The following PTPRJ variants were observed in gnomAD, a reference collection of about 807,000 sequenced individuals.
PTPRJ encodes the protein receptor-type tyrosine-protein phosphatase eta.
In PTPRJ, 129 loss-of-function variants were observed where a neutral mutation model predicts 141.3. The ratio of observed to expected loss-of-function variants is 0.91; its 90% confidence interval spans 0.79 to 1.06. The LOEUF (loss-of-function observed/expected upper bound fraction) is 1.06, where lower values mean the gene tolerates loss of function less well. PTPRJ is among the 50% of genes least tolerant of loss of function. The pLI is 0.00. For synonymous variants in PTPRJ, 610 were observed against 640.5 expected, an observed-to-expected ratio of 0.95 and a Z score of 0.72; for missense variants, 1,601 against 1,679.7, an observed-to-expected ratio of 0.95 and a Z score of 0.82.
intron 1 of PTPRJ, among the ~76,000 whole-genome samples, chr11:48,021,944 A>G (rs1355155677): frequency 1.3e-5 from 2 of 152,162 alleles, no homozygotes; most frequent in Non-Finnish European, 2.9e-5. Flanking sequence ...TTTAAGAAAC[A>G]TGGGCATGGA....
At chr11:48,046,912 A>ATTTTTTTTT (rs1217187387) in intron 1 of PTPRJ, among the ~76,000 whole-genome samples, 1 of 74,172 alleles carries the variant, frequency 1.3e-5, no homozygotes, top group African/African-American at 7.3e-5. Context: ...ATATATATAT[A>ATTTTTTTTT]TTTTTTTTTT....
intron 4 of PTPRJ, among the ~76,000 whole-genome samples, chr11:48,122,591 G>A (rs1856731716): frequency 6.6e-6 from 1 of 152,218 alleles, no homozygotes; most frequent in East Asian, 1.9e-4. Flanking sequence ...AGTATCAAGT[G>A]GTGGGGCTGG....
At chr11:48,144,294 T>C (rs1162713691) in intron 12 of PTPRJ, among the ~76,000 whole-genome samples, 1 of 152,230 alleles carries the variant, frequency 6.6e-6, no homozygotes, top group Non-Finnish European at 1.5e-5. Flanking sequence ...GAAGGCCATG[T>C]TGCATAGCAG....
chr11:48,140,540 A>T (rs1857207484), intron 11 of PTPRJ, among the ~76,000 whole-genome samples: 1 of 152,188 alleles, frequency 6.6e-6, no homozygotes. Flanking sequence ...GCTACAGGGT[A>T]TAGAGCTGGT....
rs1396277054 is a variant in PTPRJ, at chr11:48,130,566, G to A, written c.1465G>A (p.Glu489Lys). 6.2e-7 allele frequency: 1 copy of A among 1,614,136 alleles called. No homozygotes were observed. The highest frequency in any genetic ancestry group is 8.5e-7 in the Non-Finnish European group (1 of 1,180,026). ...AESFQMHITQ[E>K]GAGNSRVEIT... ...ATCATTTCAGATGCATATCACACAG[G>A]AGGGAGCTGGCAATTCTCGGGTAGA... The change falls in exon 8 of 25, where the codon GAG becomes AAG. Residue 489 changes from glutamate to lysine, a missense_variant. Transcript: ENST00000418331.
chr11:48,052,553 T>C (rs1347132198), intron 1 of PTPRJ, among the ~76,000 whole-genome samples: 2 of 152,148 alleles, frequency 1.3e-5, no homozygotes, highest in African/African-American at 4.8e-5. Flanking sequence ...TCTGGGTGGT[T>C]GGGGGTGCCT....
At chr11:47,981,135 C>T (rs1426916932) in intron 1 of PTPRJ, 127 bp downstream of exon 1, 5 of 1,004,968 alleles carry the variant, frequency 5.0e-6, no homozygotes, top group African/African-American at 3.4e-5. Flanking sequence ...TCCCCGGATC[C>T]CCGGAAGGCG....
At chr11:48,070,863 A>C (rs1381701217) in intron 1 of PTPRJ, among the ~76,000 whole-genome samples, 1 of 152,238 alleles carries the variant, frequency 6.6e-6, no homozygotes, top group Admixed American at 6.5e-5. Flanking sequence ...CAATTTATCA[A>C]CAACAGCAAA....
chr11:48,019,056 T>C (rs1855031766), intron 1 of PTPRJ, among the ~76,000 whole-genome samples: 1 of 152,006 alleles, frequency 6.6e-6, no homozygotes, highest in Admixed American at 6.5e-5. Flanking sequence ...AGAACCCCTC[T>C]CAGGAGGGCC....
chr11:48,102,487 C>T (rs1418858047), intron 1 of PTPRJ, among the ~76,000 whole-genome samples: 1 of 152,088 alleles, frequency 6.6e-6, no homozygotes, highest in Non-Finnish European at 1.5e-5. Context: ...TGGCTCACTG[C>T]AACCTCTGCC....
At chr11:47,993,831 ATTT>A (rs1001975747) in intron 1 of PTPRJ, among the ~76,000 whole-genome samples, 2 of 139,448 alleles carry the variant, frequency 1.4e-5, no homozygotes, top group Admixed American at 7.2e-5. Context: ...CAAACAGTTC[ATTT>A]TTTTTTTTTT....
At chr11:48,020,647 C>G (rs1855090862) in intron 1 of PTPRJ, among the ~76,000 whole-genome samples, 1 of 152,186 alleles carries the variant, frequency 6.6e-6, no homozygotes, top group Non-Finnish European at 1.5e-5. Flanking sequence ...TGAGCAGGTA[C>G]TGGTCTCAAA....
chr11:48,004,697 T>C (rs1431684694), intron 1 of PTPRJ, among the ~76,000 whole-genome samples: 3 of 152,074 alleles, frequency 2.0e-5, no homozygotes, highest in African/African-American at 7.2e-5. Flanking sequence ...CAGTGAGAGG[T>C]CTTGCTGGGC....
intron 1 of PTPRJ, among the ~76,000 whole-genome samples, chr11:48,093,210 T>C (rs1855916026): frequency 6.6e-6 from 1 of 152,224 alleles, no homozygotes; most frequent in African/African-American, 2.4e-5. Flanking sequence ...TGTCCTTGTC[T>C]GTCCTGGTAT....
intron 1 of PTPRJ, among the ~76,000 whole-genome samples, chr11:48,102,581 A>T (rs1255248173): frequency 1.3e-5 from 2 of 151,552 alleles, no homozygotes; most frequent in African/African-American, 4.9e-5. Context: ...TTTTGTATAT[A>T]TATTTTTTTC....
At chr11:48,010,599 G>A (rs774327219) in intron 1 of PTPRJ, among the ~76,000 whole-genome samples, 2 of 151,912 alleles carry the variant, frequency 1.3e-5, no homozygotes, top group East Asian at 1.9e-4. Context: ...GTGCAGTGGC[G>A]TGATCTTGGC....
intron 22 of PTPRJ, among the ~76,000 whole-genome samples, chr11:48,160,319 C>T (rs1295681020): frequency 6.6e-6 from 1 of 152,184 alleles, no homozygotes; most frequent in Non-Finnish European, 1.5e-5. Context: ...GGAACTCTTT[C>T]CTTTCTTTCC....
chr11:48,121,736 T>C (rs1169711533), intron 4 of PTPRJ, among the ~76,000 whole-genome samples: 1 of 152,214 alleles, frequency 6.6e-6, no homozygotes, highest in Non-Finnish European at 1.5e-5. Context: ...GATTTGACAG[T>C]TTAGATTTTG....
In PTPRJ at chr11:47,980,703, C is replaced by T; in HGVS notation, c.-210C>T. On this transcript the variant is annotated 5_prime_UTR_variant, in exon 1 of 25. Coordinates refer to ENST00000418331, the MANE Select transcript of PTPRJ (RefSeq NM_002843.4). ...AGGGACGCGGCCCCCCCGCGGCAGC[C>T]GCGCTAGGCTCCGGCGTGTGGCCGC... The T allele has an allele frequency of 1.0e-6, 1 of 994,566 alleles. No individual in the cohort carries two copies. The highest frequency in any genetic ancestry group is 1.2e-6 in the Non-Finnish European group (1 of 837,528). 61.6% of individuals were successfully genotyped at this position (994,566 alleles called of 1,614,324 possible). A position where few individuals can be genotyped will look rare whatever the true frequency, so the allele number is the denominator to read the frequency against.
Sources: allele counts gnomAD v4.1 joint callset (sites outside exome capture counted in the v4.1 genomes callset), GRCh38; gene constraint gnomAD v4.1.1; transcripts MANE v1.5; gene names NCBI Gene and HGNC (gene_info 2026-07-23, HGNC 2026-07-21).